Variants in MAN1A1 observed in about 807,000 individuals in gnomAD.
The protein encoded by MAN1A1 is mannosidase alpha class 1A member 1.
MAN1A1 carries 29 observed loss-of-function variants against 70.8 expected under a neutral mutation model. The observed-to-expected ratio is 0.41, with a 90% CI of 0.31 to 0.56. The LOEUF is 0.56. Ranked by LOEUF, MAN1A1 falls within the 20% of genes least tolerant of loss-of-function variation. The pLI, the probability that MAN1A1 is intolerant of heterozygous loss-of-function variation, is 0.29. For synonymous variants in MAN1A1, 349 were observed against 330.1 expected (o/e 1.06, Z -0.62); for missense variants, 747 against 841.3 (o/e 0.89, Z 1.39).
chr6:119,192,039 C>A (rs4946404), intron 9 of MAN1A1, among the ~76,000 whole-genome samples: 1 of 151,958 alleles, frequency 6.6e-6, no homozygotes, highest in Non-Finnish European at 1.5e-5. Flanking sequence ...ACTTTGACTT[C>A]ATTTGTTCTT....
At chr6:119,230,671 A>G (rs577223508) in intron 6 of MAN1A1, among the ~76,000 whole-genome samples, 1 of 152,338 alleles carries the variant, frequency 6.6e-6, no homozygotes, top group East Asian at 1.9e-4. Context: ...AGAGTCACCA[A>G]GAAAACGTTT....
At chr6:119,220,512 C>T (rs1050836892) in intron 6 of MAN1A1, among the ~76,000 whole-genome samples, 3 of 151,888 alleles carry the variant, frequency 2.0e-5, no homozygotes, top group African/African-American at 7.3e-5. Context: ...ATTGGTAATC[C>T]ACATTAAAAA....
intron 6 of MAN1A1, among the ~76,000 whole-genome samples, chr6:119,244,049 C>T (rs988547204): frequency 6.6e-6 from 1 of 151,932 alleles, no homozygotes; most frequent in Non-Finnish European, 1.5e-5. Context: ...AGACTGTATG[C>T]CCTGTGATAG....
At chr6:119,255,247 C>G (rs545100281) in intron 5 of MAN1A1, among the ~76,000 whole-genome samples, 4 of 152,318 alleles carry the variant, frequency 2.6e-5, no homozygotes, top group African/African-American at 7.2e-5. Context: ...CAATCAATAT[C>G]AAAGCTTTTC....
intron 2 of MAN1A1, among the ~76,000 whole-genome samples, chr6:119,315,468 C>T (rs1462785740): frequency 6.6e-6 from 1 of 152,242 alleles, no homozygotes; most frequent in South Asian, 2.1e-4. Flanking sequence ...CTAAGGAAAA[C>T]CCAGTGTTTC....
intron 4 of MAN1A1, among the ~76,000 whole-genome samples, chr6:119,292,938 C>A (rs533141216): frequency 1.2e-4 from 18 of 152,100 alleles, no homozygotes; most frequent in African/African-American, 3.9e-4. Flanking sequence ...CACGTGACTA[C>A]GTTTCCTATG....
At chr6:119,187,120 C>T (rs542901764) in intron 11 of MAN1A1, among the ~76,000 whole-genome samples, 71 of 152,278 alleles carry the variant, frequency 4.7e-4, no homozygotes, top group African/African-American at 8.9e-4. Flanking sequence ...GATACCTTCT[C>T]GGCCATACAT....
intron 11 of MAN1A1, among the ~76,000 whole-genome samples, chr6:119,187,576 T>C (rs987897999): frequency 5.9e-5 from 9 of 152,218 alleles, no homozygotes; most frequent in Admixed American, 4.6e-4. Context: ...GCAATATTCA[T>C]TTTAGATTTC....
At position 119,179,124 on chromosome 6, in the gene MAN1A1, T is replaced by C. The variant is rs1773080492; in HGVS notation, c.*695A>G. On this transcript the variant is annotated 3_prime_UTR_variant, in exon 13 of 13. Transcript: ENST00000368468. ...TATAATCCAGAAATGACACAGGGCATTTAAAGTAAAATTAAAGGACACATT... is the reference window on the plus strand; with the variant it reads ...TATAATCCAGAAATGACACAGGGCACTTAAAGTAAAATTAAAGGACACATT... The C allele has an allele frequency of 6.6e-6, 1 of 152,176 alleles. No homozygotes were observed. The highest frequency in any genetic ancestry group is 6.5e-5 in the Admixed American group (1 of 15,280). 9.4% of individuals were successfully genotyped at this position (152,176 alleles called of 1,614,324 possible). A position where few individuals can be genotyped will look rare whatever the true frequency, so the allele number is the denominator to read the frequency against.
intron 5 of MAN1A1, among the ~76,000 whole-genome samples, chr6:119,277,989 A>AT (rs57322012): frequency 0.27 from 33,111 of 123,036 alleles, 4,367 homozygotes; most frequent in East Asian, 0.46. Context: ...AAATAAATAA[A>AT]AAAAAAGTAA....
At chr6:119,189,568 G>T in intron 10 of MAN1A1, 96 bp downstream of exon 10, 1 of 1,046,840 alleles carries the variant, frequency 9.6e-7, no homozygotes, top group Non-Finnish European at 1.5e-6. Flanking sequence ...AGCTTCATAG[G>T]CAGAGCGGAT....
chr6:119,253,940 T>C (rs1379072037), intron 5 of MAN1A1, among the ~76,000 whole-genome samples: 1 of 152,168 alleles, frequency 6.6e-6, no homozygotes, highest in East Asian at 1.9e-4. Context: ...TCATTGATAC[T>C]TGAGTCAAAT....
chr6:119,193,715 T>C, intron 9 of MAN1A1, 62 bp downstream of exon 9: 1 of 1,142,208 alleles, frequency 8.8e-7, no homozygotes, highest in East Asian at 2.5e-5. Context: ...CATTAAAACT[T>C]GATTAATATA....
At chr6:119,322,497 C>A (rs1773036897) in intron 2 of MAN1A1, among the ~76,000 whole-genome samples, 1 of 152,152 alleles carries the variant, frequency 6.6e-6, no homozygotes, top group Non-Finnish European at 1.5e-5. Context: ...TTGGGACCCT[C>A]TAGTCACTGG....
At position 119,179,781 on chromosome 6, in the gene MAN1A1, T is replaced by C; in HGVS notation, c.*38A>G. On this transcript the variant is annotated 3_prime_UTR_variant, in exon 13 of 13. Coordinates refer to ENST00000368468, the MANE Select transcript of MAN1A1 (RefSeq NM_005907.4). ...GAAAAGGAATTATTAAGGTATACAG[T>C]GAAGGGAATGGAGCAGAATAAAATA... 1.3e-6 allele frequency: 2 copies of C among 1,581,478 alleles called. No individual in the cohort carries two copies. The highest frequency in any genetic ancestry group is 1.7e-6 in the Non-Finnish European group (2 of 1,152,692).
rs572020420 is a variant in MAN1A1 at position 119,273,914 on chromosome 6, A to G, written c.897+16769T>C. On this transcript the variant is annotated intron_variant, in intron 5 of 12. Coordinates refer to ENST00000368468, the MANE Select transcript of MAN1A1 (RefSeq NM_005907.4). The stretch of plus-strand genomic sequence containing the variant: ...TATCTGGACACAGGGGAAAGTATTG[A>G]ATGGATAAGGAAAAGTAGTGGGAAT... Among the ~76,000 whole-genome samples, 7 of 152,206 alleles carry G rather than the reference A, an allele frequency of 4.6e-5. No individual in the cohort carries two copies. The South Asian group carries it at 1.0e-3, about 22-fold the overall frequency.
intron 2 of MAN1A1, among the ~76,000 whole-genome samples, chr6:119,341,181 A>ACCAATG (rs1430565066): frequency 6.6e-6 from 1 of 152,190 alleles, no homozygotes; most frequent in Non-Finnish European, 1.5e-5. Flanking sequence ...ATGATCACAG[A>ACCAATG]AGTCTTTATC....
At chr6:119,221,260 A>G (rs1774351718) in intron 6 of MAN1A1, among the ~76,000 whole-genome samples, 1 of 152,106 alleles carries the variant, frequency 6.6e-6, no homozygotes, top group African/African-American at 2.4e-5. Context: ...AGTAACCACA[A>G]ATTTTACTTC....
intron 6 of MAN1A1, among the ~76,000 whole-genome samples, chr6:119,244,609 G>C (rs1775116685): frequency 6.6e-6 from 1 of 151,972 alleles, no homozygotes; most frequent in Admixed American, 6.6e-5. Flanking sequence ...GAATTATTTA[G>C]GTTCTCTGCA....
Sources: allele counts gnomAD v4.1 joint callset (sites outside exome capture counted in the v4.1 genomes callset), GRCh38; gene constraint gnomAD v4.1.1; transcripts MANE v1.5; gene names NCBI Gene and HGNC (gene_info 2026-07-23, HGNC 2026-07-21).